The following ADORA2B variants were observed in gnomAD, a reference collection of about 807,000 sequenced individuals.
The protein encoded by ADORA2B is adenosine receptor A2b.
In ADORA2B, 18 loss-of-function variants were observed where a neutral mutation model predicts 20.8. The observed-to-expected ratio is 0.87, with a 90% CI of 0.60 to 1.29. The LOEUF is 1.29. Ranked by LOEUF, ADORA2B falls within the 50% of genes most tolerant of loss-of-function variation. The probability of loss-of-function intolerance (pLI) is 0.00; values close to 1 mark genes in which losing one functional copy is unlikely to be tolerated. For synonymous variants in ADORA2B, 179 were observed against 178.3 expected, an observed-to-expected ratio of 1.00 and a Z score of -0.03; for missense variants, 441 against 422.7, an observed-to-expected ratio of 1.04 and a Z score of -0.38.
At position 15,975,041 on chromosome 17, in the gene ADORA2B, C is replaced by G. The variant is rs1050968034; in HGVS notation, c.698C>G (p.Ala233Gly). The change falls in exon 2 of 2, where the codon GCC becomes GGC. Residue 233 changes from alanine to glycine, a missense_variant. Physicochemically the swap from Ala to Gly is moderately conservative, Grantham distance 60 (BLOSUM62 0). Transcript: ENST00000304222. Reference sequence around the variant, plus strand: ...ACCCTCCAGCGGGAGATCCATGCAGCCAAGTCACTGGCCATGATTGTGGGG... The same window carrying G: ...ACCCTCCAGCGGGAGATCCATGCAGGCAAGTCACTGGCCATGATTGTGGGG... ...RTTLQREIHA[A>G]KSLAMIVGIF... 3.1e-6 allele frequency: 5 copies of G among 1,614,168 alleles called. No homozygotes were observed. Among genetic ancestry groups the G allele is most frequent in the Non-Finnish European group, 4.2e-6 (5 of 1,180,034 alleles).
chr17:15,906,598 T>C, the ADORA2B span, among the ~76,000 whole-genome samples: 1 of 152,228 alleles, frequency 6.6e-6, no homozygotes, highest in Non-Finnish European at 1.5e-5. Context: ...GGTATTAGGG[T>C]AATGCTGGCA....
the ADORA2B span, among the ~76,000 whole-genome samples, chr17:15,877,390 G>A: frequency 2.0e-5 from 3 of 152,084 alleles, no homozygotes; most frequent in African/African-American, 4.8e-5. Context: ...CTGTGTATGC[G>A]GCCTGCAACT....
chr17:15,943,920 G>A (rs554294969), upstream of ADORA2B, among the ~76,000 whole-genome samples: 4 of 152,212 alleles, frequency 2.6e-5, no homozygotes, highest in African/African-American at 7.2e-5. Flanking sequence ...GTGAAATAGC[G>A]TGGCCAGGAG....
At chr17:15,883,081 C>T in the ADORA2B span, among the ~76,000 whole-genome samples, 1,535 of 152,302 alleles carry the variant, frequency 0.01, 37 homozygotes, top group African/African-American at 0.035. Flanking sequence ...GAAGTAATTT[C>T]ACCACAAGAC....
chr17:15,899,496 A>G, the ADORA2B span, among the ~76,000 whole-genome samples: 1 of 152,150 alleles, frequency 6.6e-6, no homozygotes, highest in South Asian at 2.1e-4. Context: ...GGTTTGTTAC[A>G]TGGGTATATG....
upstream of ADORA2B, among the ~76,000 whole-genome samples, chr17:15,943,318 TTTC>T (rs1969760981): frequency 2.6e-5 from 4 of 152,124 alleles, no homozygotes; most frequent in East Asian, 1.9e-4. Flanking sequence ...CAGAGGGGTT[TTTC>T]TTCTTCTTGT....
intron 1 of ADORA2B, among the ~76,000 whole-genome samples, chr17:15,964,112 C>T (rs775305632): frequency 2.6e-5 from 4 of 152,204 alleles, no homozygotes; most frequent in Admixed American, 6.5e-5. Flanking sequence ...CAGCCGTGCC[C>T]ATCTGCAGAG....
In ADORA2B at chr17:15,975,670, G is replaced by A. The variant is rs905506699; in HGVS notation, c.*328G>A. 12 of 299,072 alleles carry A rather than the reference G, an allele frequency of 4.0e-5. No homozygotes were observed. The highest frequency in any genetic ancestry group is 2.4e-4 in the African/African-American group (11 of 46,298). The allele number at this position is 299,072 out of a possible 1,614,324, so 18.5% of individuals were successfully genotyped here. A position where few individuals can be genotyped will look rare whatever the true frequency, so the allele number is the denominator to read the frequency against. ...ACTGAAACTATTTTACTGTGAAACA[G>A]TGTGAACTATTATAATGCAAATACT... is the stretch of plus-strand genomic sequence containing the variant. On this transcript the variant is annotated 3_prime_UTR_variant, in exon 2 of 2. Coordinates refer to ENST00000304222, the MANE Select transcript of ADORA2B (RefSeq NM_000676.4).
chr17:15,870,388 C>A, the ADORA2B span, among the ~76,000 whole-genome samples: 1 of 151,960 alleles, frequency 6.6e-6, no homozygotes, highest in African/African-American at 2.4e-5. Flanking sequence ...CCAGTAATCC[C>A]AGCACTTTGG....
At chr17:15,890,530 T>G in the ADORA2B span, among the ~76,000 whole-genome samples, 1 of 151,998 alleles carries the variant, frequency 6.6e-6, no homozygotes, top group Non-Finnish European at 1.5e-5. Context: ...TGGCTTTCTT[T>G]CCCCAGGATT....
chr17:15,888,638 G>T, the ADORA2B span, among the ~76,000 whole-genome samples: 1 of 122,620 alleles, frequency 8.2e-6, no homozygotes, highest in South Asian at 2.4e-4. Flanking sequence ...TTCTAGCAAG[G>T]ATTTAATTGC....
chr17:15,964,396 C>G (rs1970074881), intron 1 of ADORA2B, among the ~76,000 whole-genome samples: 1 of 151,322 alleles, frequency 6.6e-6, no homozygotes, highest in South Asian at 2.1e-4. Context: ...CACCAGAGGT[C>G]AGGAGTTCGA....
the ADORA2B span, among the ~76,000 whole-genome samples, chr17:15,866,685 CCCTCTG>C: frequency 0.22 from 25,803 of 116,316 alleles, 2,365 homozygotes; most frequent in Non-Finnish European, 0.27. Flanking sequence ...TTTTGGCTCT[CCCTCTG>C]CCTCTGCCTC....
chr17:15,894,553 G>A, the ADORA2B span, among the ~76,000 whole-genome samples: 5 of 152,246 alleles, frequency 3.3e-5, no homozygotes, highest in Non-Finnish European at 7.3e-5. Flanking sequence ...GGCAGGGCCT[G>A]CAGAGCTTCC....
At chr17:15,882,770 CCTT>C in the ADORA2B span, among the ~76,000 whole-genome samples, 49,657 of 151,754 alleles carry the variant, frequency 0.33, 8,781 homozygotes, top group African/African-American at 0.46. Context: ...AACGTGTCCT[CCTT>C]CTGGAGACTG....
chr17:15,921,826 C>T, the ADORA2B span, among the ~76,000 whole-genome samples: 1 of 152,142 alleles, frequency 6.6e-6, no homozygotes, highest in South Asian at 2.1e-4. Context: ...GGCATTTATC[C>T]TCATAAATGA....
chr17:15,973,781 C>CA, intron 1 of ADORA2B: 1 of 152,324 alleles, frequency 6.6e-6, no homozygotes, highest in Non-Finnish European at 1.5e-5. Context: ...GACCTAGACT[C>CA]AAAGAGCGGT....
chr17:15,899,872 G>A, the ADORA2B span, among the ~76,000 whole-genome samples: 3 of 149,960 alleles, frequency 2.0e-5, no homozygotes, highest in Non-Finnish European at 3.0e-5. Context: ...TCTCTCTGTC[G>A]GCAGGCTGGG....
chr17:15,945,059 G>C (rs1969780425), upstream of ADORA2B: 1 of 383,278 alleles, frequency 2.6e-6, no homozygotes, highest in Non-Finnish European at 4.4e-6. Flanking sequence ...CGGGCCAATG[G>C]GTGCCGCCTC....
Sources: gnomAD v4.1 joint callset for allele counts (sites outside exome capture counted in the v4.1 genomes callset) on GRCh38, gnomAD v4.1.1 for gene constraint, MANE v1.5 for transcripts, NCBI Gene and HGNC (gene_info 2026-07-23, HGNC 2026-07-21) for gene names.